EPHA10: variants seen among roughly 807,000 people sequenced by gnomAD.
EPHA10 encodes the protein EPH receptor A10.
A neutral mutation model predicts 109.7 loss-of-function variants in EPHA10; 120 were observed. That is an observed-to-expected ratio of 1.09 (90% CI 0.94 to 1.27). EPHA10 has a LOEUF of 1.27. Ranked by LOEUF, EPHA10 falls within the 50% of genes most tolerant of loss-of-function variation. The pLI is 0.00. For missense variants in EPHA10, 1,396 were observed against 1,411.1 expected, an observed-to-expected ratio of 0.99 and a Z score of 0.17; for synonymous variants, 640 against 618.9, an observed-to-expected ratio of 1.03 and a Z score of -0.51.
At chr1:37,763,641 A>T (rs1314257491) in intron 1 of EPHA10, among the ~76,000 whole-genome samples, 1 of 147,502 alleles carries the variant, frequency 6.8e-6, no homozygotes, top group Non-Finnish European at 1.5e-5. Flanking sequence ...TAGGTTCCCA[A>T]AATTATAGCT....
chr1:37,755,165 C>T (rs568762978), intron 3 of EPHA10, among the ~76,000 whole-genome samples: 6 of 152,224 alleles, frequency 3.9e-5, no homozygotes, highest in East Asian at 3.9e-4. Flanking sequence ...GCTACTCTCC[C>T]GCAGCCTGTG....
chr1:37,727,349 G>A (rs1186232860), intron 7 of EPHA10, 139 bp from the exon 8 acceptor site: 13 of 623,254 alleles, frequency 2.1e-5, no homozygotes, highest in Admixed American at 1.1e-4. Context: ...CCACAGAGGC[G>A]CCAAGGCAGT....
chr1:37,764,852 C>A lies in EPHA10; in HGVS notation c.106+109G>T. On this transcript the variant is annotated intron_variant, in intron 1 of 16. Coordinates refer to ENST00000373048, the MANE Select transcript of EPHA10 (RefSeq NM_001099439.2). This position sits in a 1 kb window ranked among gnomAD's most constrained non-coding sequence, Gnocchi z 5.8. Reference sequence around the variant, plus strand: ...CTTTGCTGCCTGCTTGCTTCAAGCCCCAATACAGACTCTAGTCTCTCCAAT... The same window carrying A: ...CTTTGCTGCCTGCTTGCTTCAAGCCACAATACAGACTCTAGTCTCTCCAAT... 1.0e-6 allele frequency: 1 copy of A among 957,276 alleles called. No individual in the cohort carries two copies. Among genetic ancestry groups the A allele is most frequent in the South Asian group, 1.6e-5 (1 of 62,372 alleles). 59.3% of individuals were successfully genotyped at this position (957,276 alleles called of 1,614,324 possible).
At chr1:37,763,741 A>G (rs1646452966) in intron 1 of EPHA10, among the ~76,000 whole-genome samples, 1 of 152,154 alleles carries the variant, frequency 6.6e-6, no homozygotes, top group Non-Finnish European at 1.5e-5. Context: ...ACTCCTACTC[A>G]GGGGCTTTTC....
rs1345736734 is a variant in EPHA10 at position 37,754,188 on chromosome 1, G to A, written c.1006+27C>T. The A allele has an allele frequency of 2.4e-6, 3 of 1,268,318 alleles. No homozygotes were observed. The highest frequency in any genetic ancestry group is 1.6e-5 in the African/African-American group (1 of 64,456). The allele number at this position is 1,268,318 out of a possible 1,614,324, so 78.6% of individuals were successfully genotyped here. ...TGGCCACTCCCACCCCCCACCCTCC[G>A]CAGTGCAGCCTGGAGGGGGGACTCA... is the stretch of plus-strand genomic sequence containing the variant. On this transcript the variant is annotated intron_variant, in intron 4 of 16. Coordinates refer to ENST00000373048, the MANE Select transcript of EPHA10 (RefSeq NM_001099439.2). This position sits in a 1 kb window ranked among gnomAD's most constrained non-coding sequence, Gnocchi z 4.5.
chr1:37,721,672 C>T lies in EPHA10; in HGVS notation c.2134G>A (p.Val712Ile), dbSNP rs753810317. The T allele has an allele frequency of 1.0e-5, 16 of 1,605,036 alleles. No homozygotes were observed. Among genetic ancestry groups the T allele is most frequent in the Middle Eastern group, 3.9e-4 (2 of 5,080 alleles). ...CACCGGGCCCTACCTCGGGTAACAACGCCCTCCAGCCGCACGATGTGGCTA... is the reference window on the plus strand; with the variant it reads ...CACCGGGCCCTACCTCGGGTAACAATGCCCTCCAGCCGCACGATGTGGCTA... ...DHSHIVRLEG[V>I]VTRGSTLMIV... The change falls in exon 11 of 17, where the codon GTT becomes ATT. Residue 712 changes from valine (V) to isoleucine (I), a missense_variant. By Grantham distance (29) the Val-to-Ile change is conservative (BLOSUM62 3). Coordinates refer to ENST00000373048, the MANE Select transcript of EPHA10 (RefSeq NM_001099439.2).
chr1:37,753,695 CGGGAGCAGGGGTGAGT>C (rs1278643690), intron 4 of EPHA10, among the ~76,000 whole-genome samples: 26 of 76,212 alleles, frequency 3.4e-4, no homozygotes, highest in South Asian at 9.3e-4. Flanking sequence ...CAGGGGCGAG[CGGGAGCAGGGGTGAGT>C]GGGAGCAGGG....
At chr1:37,745,311 C>T (rs572662933) in intron 5 of EPHA10, among the ~76,000 whole-genome samples, 5 of 152,168 alleles carry the variant, frequency 3.3e-5, no homozygotes, top group African/African-American at 1.2e-4. Flanking sequence ...TAGGGAAATG[C>T]AAATCAAAGC....
intron 3 of EPHA10, chr1:37,760,902 G>A: frequency 5.4e-6 from 1 of 183,958 alleles, no homozygotes; most frequent in Non-Finnish European, 1.1e-5. Flanking sequence ...TGGCCAACAT[G>A]GTGAAACCCC....
intron 15 of EPHA10, 100 bp from the exon 16 acceptor site, chr1:37,718,916 G>C: frequency 1.4e-6 from 2 of 1,449,398 alleles, no homozygotes; most frequent in Non-Finnish European, 1.8e-6. Flanking sequence ...CAGGAGAAGG[G>C]GAGGGTAACC....
chr1:37,761,036 A>T (rs555317869), intron 3 of EPHA10: 2 of 604,632 alleles, frequency 3.3e-6, no homozygotes, highest in Admixed American at 9.7e-5. Flanking sequence ...GTTAGCCAAG[A>T]TCAAGCCAGT....
At chr1:37,763,272 T>C (rs1433792635) in intron 1 of EPHA10, among the ~76,000 whole-genome samples, 2 of 152,160 alleles carry the variant, frequency 1.3e-5, no homozygotes, top group Non-Finnish European at 2.9e-5. Flanking sequence ...TGGCCGCCTG[T>C]AGTCCCTAGC....
chr1:37,722,017 G>T, intron 10 of EPHA10, 172 bp from the exon 11 acceptor site: 1 of 580,220 alleles, frequency 1.7e-6, no homozygotes, highest in Non-Finnish European at 2.9e-6. Flanking sequence ...TGTAATCCCA[G>T]CTACTTGAGA....
Position 37,761,702 on chromosome 1 carries a change from G to T in EPHA10, c.553C>A (p.Arg185=). The T allele has an allele frequency of 6.2e-7, 1 of 1,613,194 alleles. No individual in the cohort carries two copies. The highest frequency in any genetic ancestry group is 8.5e-7 in the Non-Finnish European group (1 of 1,179,914). The change falls in exon 3 of 17, where the codon CGG becomes AGG. Residue 185 remains arginine, a synonymous_variant. Transcript: ENST00000373048. The stretch of plus-strand genomic sequence containing the variant: ...TGAAAGGCCAGGTGGAAACCCCGCC[G>T]GCTGAGCGGTCCGATCTCGCGCACC... ...TEVREIGPLS[R]RGFHLAFQDV...
intron 6 of EPHA10, among the ~76,000 whole-genome samples, chr1:37,732,599 G>GACCC (rs1557541154): frequency 6.6e-6 from 1 of 152,138 alleles, no homozygotes; most frequent in Non-Finnish European, 1.5e-5. Flanking sequence ...GTGGCTTCAG[G>GACCC]ACCCACAAGG....
chr1:37,719,781 C>G (rs1383789268), intron 14 of EPHA10, 128 bp downstream of exon 14: 39 of 1,522,602 alleles, frequency 2.6e-5, no homozygotes, highest in Non-Finnish European at 3.0e-5. Flanking sequence ...CAGGCAGAAC[C>G]AGAAGCAAGC....
intron 15 of EPHA10, among the ~76,000 whole-genome samples, 161 bp downstream of exon 15, chr1:37,719,253 T>C (rs538438457): frequency 2.6e-5 from 4 of 152,228 alleles, no homozygotes; most frequent in African/African-American, 9.6e-5. Flanking sequence ...TGCAGTGAGG[T>C]GGGCCTGGGC....
rs1444805248 is a variant in EPHA10 at position 37,754,518 on chromosome 1, GAGTGACTCCTGA to G, written c.851-160_851-149del. 5 of 675,828 alleles carry G rather than the reference GAGTGACTCCTGA, an allele frequency of 7.4e-6. No homozygotes were observed. Among genetic ancestry groups the G allele is most frequent in the Non-Finnish European group, 1.0e-5 (5 of 477,808 alleles). 41.9% of individuals were successfully genotyped at this position (675,828 alleles called of 1,614,324 possible). Reference sequence around the variant, plus strand: ...CCACTCCAGTCAGCACTGCCCCGTGGAGTGACTCCTGAACAACCCATTACCTACCCTTAGAAA... The same window carrying G: ...CCACTCCAGTCAGCACTGCCCCGTGGACAACCCATTACCTACCCTTAGAAA... On this transcript the variant is annotated intron_variant, in intron 3 of 16. Coordinates refer to ENST00000373048, the MANE Select transcript of EPHA10 (RefSeq NM_001099439.2). The surrounding 1 kb of genome is among the most constrained non-coding windows in gnomAD (Gnocchi z 4.5).
At chr1:37,721,279 T>C (rs1422941317) in intron 11 of EPHA10, among the ~76,000 whole-genome samples, 2 of 131,386 alleles carry the variant, frequency 1.5e-5, no homozygotes, top group Non-Finnish European at 3.4e-5. Flanking sequence ...AACAAAAAAA[T>C]TAGCCGGGCC....
Sources: allele counts gnomAD v4.1 joint callset (sites outside exome capture counted in the v4.1 genomes callset), GRCh38; gene constraint gnomAD v4.1.1; non-coding constraint Gnocchi (gnomAD v3.1); transcripts MANE v1.5; gene names NCBI Gene and HGNC (gene_info 2026-07-23, HGNC 2026-07-21).